The following EDA variants were observed in gnomAD, a reference collection of about 807,000 sequenced individuals.
The protein encoded by EDA is ectodysplasin-A.
EDA carries 2 observed loss-of-function variants against 23.6 expected under a neutral mutation model. The ratio of observed to expected loss-of-function variants is 0.08; its 90% CI spans 0.03 to 0.27. EDA has a LOEUF of 0.27. Among genes scored for constraint, EDA ranks in the 10% least tolerant of loss-of-function variants. The pLI is 1.00. For missense variants in EDA, 229 were observed against 324.2 expected, an observed-to-expected ratio of 0.71 and a Z score of 2.26; for synonymous variants, 131 against 132.0, an observed-to-expected ratio of 0.99 and a Z score of 0.05.
At chrX:69,731,698 C>T in intron 1 of EDA, among the ~76,000 whole-genome samples, 1 of 111,636 alleles carries the variant, frequency 9.0e-6, no homozygotes, top group Admixed American at 9.6e-5. Flanking sequence ...TGCCTTTGGC[C>T]TCCCAAAGTG....
chrX:69,994,875 GT>G (rs1418468059), intron 2 of EDA, among the ~76,000 whole-genome samples: 1 of 112,099 alleles, frequency 8.9e-6, no homozygotes, highest in African/African-American at 3.2e-5. Flanking sequence ...TAAAATGGTA[GT>G]GATTTTAAGA....
chrX:69,658,434 C>A (rs1933386281), intron 1 of EDA, among the ~76,000 whole-genome samples: 1 of 110,881 alleles, frequency 9.0e-6, no homozygotes, highest in African/African-American at 3.3e-5. Flanking sequence ...TTGTCAGCAA[C>A]AAGAGATAAT....
chrX:69,700,232 G>T (rs760304438), intron 1 of EDA, among the ~76,000 whole-genome samples: 1 of 111,226 alleles, frequency 9.0e-6, no homozygotes, highest in African/African-American at 3.3e-5. Flanking sequence ...AGATACAGAG[G>T]TCATGAGCAA....
chrX:69,857,434 T>C (rs1484427800), intron 1 of EDA, among the ~76,000 whole-genome samples: 2 of 111,492 alleles, frequency 1.8e-5, no homozygotes, highest in Non-Finnish European at 3.8e-5. Flanking sequence ...GGGAATTGCA[T>C]TGAATTTGTA....
chrX:69,750,646 A>G (rs1026790453), intron 1 of EDA, among the ~76,000 whole-genome samples: 8 of 111,341 alleles, frequency 7.2e-5, no homozygotes, highest in African/African-American at 2.3e-4. Flanking sequence ...CCAACAGTGT[A>G]AGAGTGTTCC....
chrX:69,923,784 A>C (rs2018471652), intron 1 of EDA, among the ~76,000 whole-genome samples: 1 of 111,802 alleles, frequency 8.9e-6, no homozygotes, highest in African/African-American at 3.3e-5. Context: ...TTACATTCCC[A>C]CCAACAGTGT....
At chrX:70,018,774 C>G (rs1375845195) in intron 2 of EDA, among the ~76,000 whole-genome samples, 1 of 111,004 alleles carries the variant, frequency 9.0e-6, no homozygotes, top group Non-Finnish European at 1.9e-5. Flanking sequence ...GACATAGACC[C>G]TGGAAAAAAA....
intron 1 of EDA, among the ~76,000 whole-genome samples, chrX:69,878,742 A>T (rs1481162370): frequency 9.1e-6 from 1 of 109,302 alleles, no homozygotes; most frequent in African/African-American, 3.4e-5. Flanking sequence ...ACACACACAC[A>T]CACACACCGC....
intron 1 of EDA, among the ~76,000 whole-genome samples, chrX:69,727,800 G>T (rs1329352976): frequency 8.9e-6 from 1 of 111,831 alleles, no homozygotes; most frequent in Non-Finnish European, 1.9e-5. Context: ...TCTTGTTTGG[G>T]TGTGTTAAAG....
chrX:69,858,024 C>G lies in EDA; in HGVS notation c.397-99003C>G, dbSNP rs747392771. Among the ~76,000 whole-genome samples, 10 of 111,698 alleles carry G rather than the reference C, an allele frequency of 9.0e-5. No individual in the cohort carries two copies. In the East Asian group the frequency reaches 2.8e-3, roughly 31 times the overall value. ...ATGAGATTGCATTCCTGATTTGGCT[C>G]TCAGCTTTCCTGTTGTTGGTGTATA... On this transcript the variant is annotated intron_variant, in intron 1 of 7. Coordinates refer to ENST00000374552, the MANE Select transcript of EDA (RefSeq NM_001399.5).
intron 2 of EDA, among the ~76,000 whole-genome samples, chrX:69,958,899 G>A (rs2019059836): frequency 9.0e-6 from 1 of 111,362 alleles, no homozygotes; most frequent in Non-Finnish European, 1.9e-5. Flanking sequence ...TGCAAAGGAA[G>A]AGAGGAGACA....
intron 1 of EDA, among the ~76,000 whole-genome samples, chrX:69,832,113 A>C (rs768805671): frequency 9.0e-6 from 1 of 111,635 alleles, no homozygotes; most frequent in East Asian, 2.8e-4. Flanking sequence ...GTCCTTGCCA[A>C]TGCCTGTGTC....
intron 2 of EDA, among the ~76,000 whole-genome samples, chrX:69,967,390 A>G (rs1361388664): frequency 9.0e-6 from 1 of 111,493 alleles, no homozygotes; most frequent in Non-Finnish European, 1.9e-5. Flanking sequence ...CTGGCAAGGT[A>G]CTATACTAGT....
intron 1 of EDA, among the ~76,000 whole-genome samples, chrX:69,739,578 T>C (rs2013381971): frequency 9.0e-6 from 1 of 111,436 alleles, no homozygotes; most frequent in Non-Finnish European, 1.9e-5. Context: ...TTCTGCTTTC[T>C]TTTGAATTAA....
intron 2 of EDA, among the ~76,000 whole-genome samples, chrX:69,981,628 T>C (rs927135899): frequency 8.9e-6 from 1 of 111,900 alleles, no homozygotes; most frequent in African/African-American, 3.2e-5. Flanking sequence ...AATACAGATA[T>C]AATTGTTAGA....
intron 1 of EDA, among the ~76,000 whole-genome samples, chrX:69,891,934 A>G (rs2017939729): frequency 1.8e-5 from 2 of 111,748 alleles, no homozygotes; most frequent in Middle Eastern, 4.2e-3. Context: ...TGGAAATAAA[A>G]AAAAAAGTGA....
chrX:69,805,453 G>A (rs2015792172), intron 1 of EDA, among the ~76,000 whole-genome samples: 1 of 110,836 alleles, frequency 9.0e-6, no homozygotes, highest in Admixed American at 9.6e-5. Context: ...TGTAAAGCTG[G>A]GTATATCCTC....
intron 1 of EDA, among the ~76,000 whole-genome samples, chrX:69,730,124 A>C (rs1451731340): frequency 1.8e-5 from 2 of 111,308 alleles, no homozygotes; most frequent in Admixed American, 9.6e-5. Flanking sequence ...TCAGCCTCCC[A>C]AAGTGCTGGG....
chrX:70,021,895 A>G (rs2020038683), intron 2 of EDA, among the ~76,000 whole-genome samples: 1 of 112,015 alleles, frequency 8.9e-6, no homozygotes, highest in African/African-American at 3.2e-5. Flanking sequence ...GCCTGCTCTT[A>G]TAGTTAGAGA....
Sources: gnomAD v4.1 joint callset for allele counts (sites outside exome capture counted in the v4.1 genomes callset) on GRCh38, gnomAD v4.1.1 for gene constraint, MANE v1.5 for transcripts, NCBI Gene and HGNC (gene_info 2026-07-23, HGNC 2026-07-21) for gene names.